FAM83B: variants seen among roughly 807,000 people sequenced by gnomAD.
The protein encoded by FAM83B is scaffolding CK1 anchoring protein B, also known as protein FAM83B.
A neutral mutation model predicts 38.8 loss-of-function variants in FAM83B; 26 were observed. That is an observed-to-expected ratio of 0.67 (90% CI 0.49 to 0.93). The LOEUF (loss-of-function observed/expected upper bound fraction) is 0.93, where lower values mean the gene tolerates loss of function less well. FAM83B is among the 40% of genes least tolerant of loss of function. The pLI is 0.00. For missense variants in FAM83B, 1,237 were observed against 1,197.3 expected, an observed-to-expected ratio of 1.03 and a Z score of -0.49; for synonymous variants, 419 against 423.1, an observed-to-expected ratio of 0.99 and a Z score of 0.12.
rs114419969 is a variant in FAM83B at position 54,941,788 on chromosome 6, G to T, written c.2817G>T (p.Pro939=). The T allele has an allele frequency of 6.2e-7, 1 of 1,613,900 alleles. No individual in the cohort carries two copies. Among genetic ancestry groups the T allele is most frequent in the South Asian group, 1.1e-5 (1 of 91,068 alleles). ...GGCGTGTTTACAGTCGTTTTGAGCC[G>T]TTTTGTAAGATTGAGAGCTCTATTC... ...TDRRVYSRFE[P]FCKIESSIQP... The change falls in exon 5 of 5, where the codon CCG becomes CCT. Residue 939 remains proline (P), a synonymous_variant. Coordinates refer to ENST00000306858, the MANE Select transcript of FAM83B (RefSeq NM_001010872.3).
chr6:54,921,206 A>G (rs562172886), intron 2 of FAM83B, among the ~76,000 whole-genome samples: 187 of 151,952 alleles, frequency 1.2e-3, no homozygotes, highest in African/African-American at 4.2e-3. Flanking sequence ...AACCATGTAC[A>G]TATAGATTAT....
intron 2 of FAM83B, among the ~76,000 whole-genome samples, chr6:54,895,211 A>T (rs1772501678): frequency 6.6e-6 from 1 of 152,216 alleles, no homozygotes; most frequent in Non-Finnish European, 1.5e-5. Context: ...TGAGAAAAAC[A>T]TTACAAAGAG....
At chr6:54,859,331 A>G (rs1771522886) in intron 1 of FAM83B, among the ~76,000 whole-genome samples, 1 of 152,140 alleles carries the variant, frequency 6.6e-6, no homozygotes, top group African/African-American at 2.4e-5. Context: ...AAGTGCTGGG[A>G]TTACCAGCAT....
chr6:54,921,518 T>A (rs1410908628), intron 2 of FAM83B, among the ~76,000 whole-genome samples: 1 of 151,986 alleles, frequency 6.6e-6, no homozygotes, highest in Admixed American at 6.6e-5. Context: ...CTGAAAGTTT[T>A]CTAAGTCTCA....
chr6:54,885,381 A>C (rs1772250171), intron 2 of FAM83B, among the ~76,000 whole-genome samples: 1 of 151,728 alleles, frequency 6.6e-6, no homozygotes, highest in African/African-American at 2.4e-5. Flanking sequence ...GTTATTTTTG[A>C]TCCTGTTGGA....
At chr6:54,859,799 A>T (rs955310593) in intron 1 of FAM83B, among the ~76,000 whole-genome samples, 4 of 152,190 alleles carry the variant, frequency 2.6e-5, no homozygotes, top group Non-Finnish European at 4.4e-5. Flanking sequence ...GTGTTGCTCT[A>T]TAAGAATTAT....
intron 2 of FAM83B, among the ~76,000 whole-genome samples, chr6:54,879,881 A>G (rs2127577520): frequency 6.6e-6 from 1 of 152,336 alleles, no homozygotes; most frequent in African/African-American, 2.4e-5. Context: ...CTGACGTCCA[A>G]TAGCAAACAA....
At chr6:54,853,622 T>C (rs771633104) in intron 1 of FAM83B, among the ~76,000 whole-genome samples, 6 of 152,178 alleles carry the variant, frequency 3.9e-5, no homozygotes, top group Non-Finnish European at 7.3e-5. Flanking sequence ...TTAAGCCTAC[T>C]GTTGAGACCT....
At chr6:54,935,344 G>C (rs115915158) in intron 4 of FAM83B, among the ~76,000 whole-genome samples, 1 of 152,192 alleles carries the variant, frequency 6.6e-6, no homozygotes, top group African/African-American at 2.4e-5. Context: ...AGTGGTAATG[G>C]GGTATTGTAT....
At chr6:54,858,614 A>G (rs1482423733) in intron 1 of FAM83B, among the ~76,000 whole-genome samples, 2 of 152,264 alleles carry the variant, frequency 1.3e-5, no homozygotes, top group South Asian at 2.1e-4. Context: ...AACAAAACTG[A>G]TACCAGAAAC....
At chr6:54,857,565 G>C (rs946172765) in intron 1 of FAM83B, among the ~76,000 whole-genome samples, 2 of 152,094 alleles carry the variant, frequency 1.3e-5, no homozygotes, top group African/African-American at 4.8e-5. Flanking sequence ...TAATTATACC[G>C]TGAGGGCAGA....
intron 1 of FAM83B, among the ~76,000 whole-genome samples, chr6:54,860,375 C>T (rs1771550776): frequency 6.6e-6 from 1 of 152,074 alleles, no homozygotes; most frequent in Non-Finnish European, 1.5e-5. Flanking sequence ...TACTCCTATA[C>T]CTTGCCCTAT....
rs1773705307 is a variant in FAM83B at position 54,941,785 on chromosome 6, G to A, written c.2814G>A (p.Glu938=). The A allele has an allele frequency of 1.9e-6, 3 of 1,613,380 alleles. No individual in the cohort carries two copies. The highest frequency in any genetic ancestry group is 1.7e-6 in the Non-Finnish European group (2 of 1,179,530). ...STDRRVYSRF[E]PFCKIESSIQ... is the part of the protein sequence containing the mutation. ...ATCGGCGTGTTTACAGTCGTTTTGA[G>A]CCGTTTTGTAAGATTGAGAGCTCTA... is the stretch of plus-strand genomic sequence containing the variant. The change falls in exon 5 of 5, where the codon GAG becomes GAA. Residue 938 remains glutamate (E), a synonymous_variant. Transcript: ENST00000306858.
chr6:54,870,389 T>C lies in FAM83B; in HGVS notation c.143T>C (p.Val48Ala). The stretch of plus-strand genomic sequence containing the variant: ...TTAGAAGCATACCAAGAATTTCTTG[T>C]CCAGGAACGAGTTTCAGACTTTCTT... ...HGLEAYQEFL[V>A]QERVSDFLAE... The change falls in exon 2 of 5, where the codon GTC becomes GCC. Residue 48 changes from valine (V) to alanine (A), a missense_variant. Coordinates refer to ENST00000306858, the MANE Select transcript of FAM83B (RefSeq NM_001010872.3). 3 of 1,614,084 alleles carry C rather than the reference T, an allele frequency of 1.9e-6. No homozygotes were observed. The highest frequency in any genetic ancestry group is 1.7e-6 in the Non-Finnish European group (2 of 1,179,972).
At chr6:54,895,643 A>G (rs1216017080) in intron 2 of FAM83B, among the ~76,000 whole-genome samples, 6 of 152,282 alleles carry the variant, frequency 3.9e-5, no homozygotes, top group South Asian at 4.1e-4. Context: ...TTTATGTAGT[A>G]TGTATGTTGT....
chr6:54,888,915 C>A (rs539231731), intron 2 of FAM83B, among the ~76,000 whole-genome samples: 28 of 152,018 alleles, frequency 1.8e-4, no homozygotes, highest in African/African-American at 6.7e-4. Flanking sequence ...TTTGTTTAAC[C>A]ATGTTCCAGC....
Position 54,940,355 on chromosome 6 carries a change from AATGTTCGG to A in FAM83B, c.1386_1393del (p.Asn462LysfsTer4), listed in dbSNP as rs1561932572. On this transcript the variant is annotated frameshift_variant, in exon 5 of 5. Transcript: ENST00000306858. LOFTEE classifies it low-confidence loss of function (END_TRUNC). ...AACAAATCTTGCAGACAGGAATTCAAATGTTCGGAGGTCTTTTAATGGGACAGATAACC... is the reference window on the plus strand; with the variant it reads ...AACAAATCTTGCAGACAGGAATTCAAAGGTCTTTTAATGGGACAGATAACC... 1.2e-6 allele frequency: 2 copies of A among 1,614,088 alleles called. No individual in the cohort carries two copies. The highest frequency in any genetic ancestry group is 1.7e-6 in the Non-Finnish European group (2 of 1,180,016).
At chr6:54,857,186 G>A (rs1054744287) in intron 1 of FAM83B, among the ~76,000 whole-genome samples, 12 of 152,058 alleles carry the variant, frequency 7.9e-5, no homozygotes, top group African/African-American at 2.9e-4. Context: ...AAATGTATTT[G>A]GGAAGCTGTT....
At chr6:54,886,488 C>A (rs1187845504) in intron 2 of FAM83B, among the ~76,000 whole-genome samples, 2 of 151,684 alleles carry the variant, frequency 1.3e-5, no homozygotes, top group African/African-American at 4.8e-5. Flanking sequence ...CTATTTTTTT[C>A]TTGTATTTGT....
Sources: allele counts gnomAD v4.1 joint callset (sites outside exome capture counted in the v4.1 genomes callset), GRCh38; gene constraint gnomAD v4.1.1; transcripts MANE v1.5; gene names NCBI Gene and HGNC (gene_info 2026-07-23, HGNC 2026-07-21).